The following EPPK1 variants were observed in gnomAD, a reference collection of about 807,000 sequenced individuals.
EPPK1 encodes the protein epiplakin 1.
For synonymous variants in EPPK1, 1,862 were observed against 1,721.2 expected, an observed-to-expected ratio of 1.08 and a Z score of -2.03; for missense variants, 3,823 against 3,673.3, an observed-to-expected ratio of 1.04 and a Z score of -1.05.
intron 1 of EPPK1, among the ~76,000 whole-genome samples, chr8:143,875,365 G>A (rs1425495607): frequency 2.0e-5 from 3 of 152,222 alleles, no homozygotes; most frequent in East Asian, 1.9e-4. Context: ...CCCTTCTGCA[G>A]ATACTGGTCC....
In EPPK1 at chr8:143,866,854, C is replaced by T. The variant is rs199859328; in HGVS notation, c.6400G>A (p.Glu2134Lys). 1.1e-4 allele frequency: 181 copies of T among 1,613,220 alleles called. No individual in the cohort carries two copies. The Admixed American group carries it at 1.2e-3, about 11-fold the overall frequency. The change falls in exon 2 of 2, where the codon GAG becomes AAG. Residue 2134 changes from glutamate to lysine, a missense_variant. Transcript: ENST00000615648. ...ALLNSEYVTE[E>K]KKLQLVRMYR... ...ATCCTCACCAGCTGGAGCTTCTTCTCCTCTGTCACGTATTCGGAATTCAGT... is the reference window on the plus strand; with the variant it reads ...ATCCTCACCAGCTGGAGCTTCTTCTTCTCTGTCACGTATTCGGAATTCAGT...
Position 143,867,459 on chromosome 8 carries a change from T to C in EPPK1, c.5795A>G (p.Glu1932Gly). The C allele has an allele frequency of 6.2e-7, 1 of 1,612,604 alleles. No individual in the cohort carries two copies. Among genetic ancestry groups the C allele is most frequent in the Non-Finnish European group, 8.5e-7 (1 of 1,179,848 alleles). Residue 1932 changes from glutamate (E) to glycine (G), a missense_variant, in exon 2 of 2, where the codon GAG (glutamate) becomes GGG (glycine). Physicochemically the swap from Glu to Gly is moderately conservative, Grantham distance 98. Transcript: ENST00000615648. ...IPAAFATWLL[E>G]AQAATGFLLD... ...GAGGAACCCGGTGGCGGCCTGCGCC[T>C]CCAGCAGCCAAGTCGCAAATGCTGC...
intron 1 of EPPK1, among the ~76,000 whole-genome samples, chr8:143,876,517 G>A (rs372327439): frequency 1.3e-5 from 2 of 152,180 alleles, no homozygotes; most frequent in Non-Finnish European, 2.9e-5. Flanking sequence ...CTTCTCCTTC[G>A]TCCACCTGCT....
intron 1 of EPPK1, among the ~76,000 whole-genome samples, 180 bp from the exon 2 acceptor site, chr8:143,873,478 G>A (rs1819422748): frequency 6.6e-6 from 1 of 152,022 alleles, no homozygotes; most frequent in Non-Finnish European, 1.5e-5. Context: ...GGTGCCAAGG[G>A]AAGTGCCAGC....
rs782015322 is a variant in EPPK1 at position 143,867,926 on chromosome 8, C to T, written c.5328G>A (p.Val1776=). The T allele has an allele frequency of 6.2e-7, 1 of 1,613,614 alleles. No individual in the cohort carries two copies. Among genetic ancestry groups the T allele is most frequent in the Non-Finnish European group, 8.5e-7 (1 of 1,179,864 alleles). The change falls in exon 2 of 2, where the codon GTG becomes GTA. Residue 1776 remains valine, a synonymous_variant. Coordinates refer to ENST00000615648, the MANE Select transcript of EPPK1 (RefSeq NM_031308.4). ...YVYINEATRH[V]LQSRTAKMRV... ...GCATTTTTGCAGTTCTGGATTGCAA[C>T]ACGTGTCTCGTGGCCTCATTGATGT... is the stretch of plus-strand genomic sequence containing the variant.
chr8:143,857,962 A>T lies in EPPK1; in HGVS notation c.*25T>A, dbSNP rs1818932717. The stretch of plus-strand genomic sequence containing the variant: ...TATGCCTCCACTTCTCCAGAGTTGC[A>T]GAAAACTGCACGGAGGAAGCCCAGT... On this transcript the variant is annotated 3_prime_UTR_variant, in exon 2 of 2. Transcript: ENST00000615648. 6.8e-7 allele frequency: 1 copy of T among 1,475,176 alleles called. No homozygotes were observed. Among genetic ancestry groups the T allele is most frequent in the African/African-American group, 1.4e-5 (1 of 70,688 alleles). 91.4% of individuals were successfully genotyped at this position (1,475,176 alleles called of 1,614,324 possible).
Position 143,866,663 on chromosome 8 carries a change from G to C in EPPK1, c.6591C>G (p.Leu2197=), listed in dbSNP as rs782584997. ...TGCTCCGTCCCGTTTCCAGGTCCTG[G>C]AGCATTTCCTCCGTGATTATGGCTG... ...LSSAIITEEM[L]QDLETGRSTT... is the part of the protein sequence containing the mutation. Residue 2197 remains leucine, a synonymous_variant, in exon 2 of 2, where the codon CTC becomes CTG. Transcript: ENST00000615648. 7.4e-6 allele frequency: 12 copies of C among 1,613,070 alleles called. No individual in the cohort carries two copies. The African/African-American group carries it at 1.5e-4, about 20-fold the overall frequency.
intron 1 of EPPK1, among the ~76,000 whole-genome samples, chr8:143,876,491 C>T (rs960101396): frequency 2.0e-5 from 3 of 152,168 alleles, no homozygotes; most frequent in Non-Finnish European, 2.9e-5. Context: ...GTACATGAGA[C>T]GGCAGGACAG....
chr8:143,868,087 C>G lies in EPPK1; in HGVS notation c.5167G>C (p.Asp1723His). 1 of 1,613,282 alleles carries G rather than the reference C, an allele frequency of 6.2e-7. No individual in the cohort carries two copies. The highest frequency in any genetic ancestry group is 8.5e-7 in the Non-Finnish European group (1 of 1,180,020). Reference sequence around the variant, plus strand: ...GGGTCGAAGAAGCCCTTGGTGTCGTCGCTGGGGTCCGCCAGGATGCGGTTC... The same window carrying G: ...GGGTCGAAGAAGCCCTTGGTGTCGTGGCTGGGGTCCGCCAGGATGCGGTTC... ...EMNRILADPS[D>H]DTKGFFDPNT... is the part of the protein sequence containing the mutation. The change falls in exon 2 of 2, where the codon GAC becomes CAC. Residue 1723 changes from aspartate (D) to histidine (H), a missense_variant. Physicochemically the swap from Asp to His is moderately conservative, Grantham distance 81 (BLOSUM62 -1). Coordinates refer to ENST00000615648, the MANE Select transcript of EPPK1 (RefSeq NM_031308.4).
Position 143,866,400 on chromosome 8 carries a change from TCCTCC to T in EPPK1, c.6849_6853del (p.Glu2284GlyfsTer357), listed in dbSNP as rs1819107632. ...GCCCACCACGCCCGCGGCCACGGCC[TCCTCC>T]ACCGACAGCCTCAGGTTGCGCACGG... On this transcript the variant is annotated frameshift_variant, in exon 2 of 2. Transcript: ENST00000615648. LOFTEE classifies it low-confidence loss of function (END_TRUNC). 9.1e-7 allele frequency: 1 copy of T among 1,103,114 alleles called. No individual in the cohort carries two copies. Among genetic ancestry groups the T allele is most frequent in the African/African-American group, 1.8e-5 (1 of 56,042 alleles). The allele number at this position is 1,103,114 out of a possible 1,614,324, so 68.3% of individuals were successfully genotyped here. A position where few individuals can be genotyped will look rare whatever the true frequency, so the allele number is the denominator to read the frequency against.
chr8:143,867,674 G>C lies in EPPK1; in HGVS notation c.5580C>G (p.Phe1860Leu). The C allele has an allele frequency of 6.2e-7, 1 of 1,613,508 alleles. No individual in the cohort carries two copies. Among genetic ancestry groups the C allele is most frequent in the South Asian group, 1.1e-5 (1 of 91,084 alleles). ...TCTTCTGATCGATGACCCTGGAGTT[G>C]AACAGGTCTGCAGCTGTCACCTCCC... ...IRGEVTAADL[F>L]NSRVIDQKTL... Residue 1860 changes from phenylalanine to leucine, a missense_variant, in exon 2 of 2, where the codon TTC (phenylalanine) becomes TTG (leucine). Phe to Leu is a conservative substitution (Grantham distance 22). Coordinates refer to ENST00000615648, the MANE Select transcript of EPPK1 (RefSeq NM_031308.4).
intron 1 of EPPK1, among the ~76,000 whole-genome samples, chr8:143,877,824 G>C (rs1238557523): frequency 6.6e-6 from 1 of 151,884 alleles, no homozygotes; most frequent in Non-Finnish European, 1.5e-5. Flanking sequence ...CCAGGGCAGG[G>C]AAGCAGAGCC....
rs375926704 is a variant in EPPK1 at position 143,869,030 on chromosome 8, C to A, written c.4224G>T (p.Ala1408=). 10 of 1,610,022 alleles carry A rather than the reference C, an allele frequency of 6.2e-6. No homozygotes were observed. Among genetic ancestry groups the A allele is most frequent in the Non-Finnish European group, 8.5e-6 (10 of 1,179,846 alleles). The change falls in exon 2 of 2, where the codon GCG becomes GCT. Residue 1408 remains alanine, a synonymous_variant. Coordinates refer to ENST00000615648, the MANE Select transcript of EPPK1 (RefSeq NM_031308.4). ...KDNKFFFDPS[A]RDQVTYQQLR... The stretch of plus-strand genomic sequence containing the variant: ...GCTGCTGGTAGGTCACCTGGTCCCG[C>A]GCACTGGGGTCAAAGAAGAACTTGT...
chr8:143,877,326 C>T lies in EPPK1; in HGVS notation c.-46+1112G>A, dbSNP rs151096263. Among the ~76,000 whole-genome samples, 1,189 of 151,848 alleles carry T rather than the reference C, an allele frequency of 7.8e-3. 17 individuals carry two copies. The highest frequency in any genetic ancestry group is 0.026 in the African/African-American group (1,064 of 41,410). Reference sequence around the variant, plus strand: ...GGGCAGCTGGACAGAGGGTCCGGAGCGAGGGGGGGCAGGGGGTGCAGCTTC... The same window carrying T: ...GGGCAGCTGGACAGAGGGTCCGGAGTGAGGGGGGGCAGGGGGTGCAGCTTC... On this transcript the variant is annotated intron_variant, in intron 1 of 1. Coordinates refer to ENST00000615648, the MANE Select transcript of EPPK1 (RefSeq NM_031308.4).
At position 143,878,434 on chromosome 8, in the gene EPPK1, G is replaced by C. The variant is rs1329102974; in HGVS notation, c.-46+4C>G. 4.8e-5 allele frequency: 6 copies of C among 124,632 alleles called. No individual in the cohort carries two copies. The East Asian group carries it at 1.0e-3, about 22-fold the overall frequency. 7.7% of individuals were successfully genotyped at this position (124,632 alleles called of 1,614,324 possible). The stretch of plus-strand genomic sequence containing the variant: ...ACCCGCCGCACCCGCCGCACCCGCC[G>C]CACCTGCCCGCTCGCCGCTCGGTCC... On this transcript the variant is annotated splice_donor_region_variant and intron_variant, in intron 1 of 1. Coordinates refer to ENST00000615648, the MANE Select transcript of EPPK1 (RefSeq NM_031308.4).
Position 143,871,050 on chromosome 8 carries a change from C to T in EPPK1, c.2204G>A (p.Ser735Asn). 6.2e-7 allele frequency: 1 copy of T among 1,613,058 alleles called. No individual in the cohort carries two copies. Among genetic ancestry groups the T allele is most frequent in the Non-Finnish European group, 8.5e-7 (1 of 1,179,962 alleles). The change falls in exon 2 of 2, where the codon AGC (serine) becomes AAC (asparagine). Residue 735 changes from serine (S) to asparagine (N), a missense_variant. Physicochemically the swap from Ser to Asn is conservative, Grantham distance 46 (BLOSUM62 1). Coordinates refer to ENST00000615648, the MANE Select transcript of EPPK1 (RefSeq NM_031308.4). ...ATGGVIDPVHSHRVPVDVAYR... is the reference protein window; with the variant it reads ...ATGGVIDPVHNHRVPVDVAYR... ...GGCCACGTCCACGGGCACGCGGTGG[C>T]TGTGCACGGGGTCGATGACGCCGCC...
rs782773843 is a variant in EPPK1, at chr8:143,866,963, G to C, written c.6291C>G (p.Asp2097Glu). ...CTGCCTCCAGGGCCCTTCTCGTCTC[G>C]TCATCGATGTGCTCGGAGTCCCGTG... is the stretch of plus-strand genomic sequence containing the variant. ...KAARDSEHIDDETRRALEAEQ... is the reference protein window; with the variant it reads ...KAARDSEHIDEETRRALEAEQ... The change falls in exon 2 of 2, where the codon GAC becomes GAG. Residue 2097 changes from aspartate to glutamate, a missense_variant. Physicochemically the swap from Asp to Glu is conservative, Grantham distance 45 (BLOSUM62 2). Transcript: ENST00000615648. 2 of 1,612,690 alleles carry C rather than the reference G, an allele frequency of 1.2e-6. No individual in the cohort carries two copies. Among genetic ancestry groups the C allele is most frequent in the Non-Finnish European group, 1.7e-6 (2 of 1,179,842 alleles).
chr8:143,872,887 G>T lies in EPPK1; in HGVS notation c.367C>A (p.Pro123Thr). 2 of 1,602,018 alleles carry T rather than the reference G, an allele frequency of 1.2e-6. No homozygotes were observed. Among genetic ancestry groups the T allele is most frequent in the East Asian group, 4.5e-5 (2 of 44,772 alleles). Reference sequence around the variant, plus strand: ...AGCTTCTCACCGCCGTAGGGGTCAGGATAGCCCGTAGTGGCACGCTCAGCG... The same window carrying T: ...AGCTTCTCACCGCCGTAGGGGTCAGTATAGCCCGTAGTGGCACGCTCAGCG... The part of the protein sequence containing the change: ...LAAERATTGY[P>T]DPYGGEKLAL... The change falls in exon 2 of 2, where the codon CCT (proline) becomes ACT (threonine). Residue 123 changes from proline (P) to threonine (T), a missense_variant. Pro to Thr is a conservative substitution (Grantham distance 38). Coordinates refer to ENST00000615648, the MANE Select transcript of EPPK1 (RefSeq NM_031308.4).
chr8:143,867,542 C>T lies in EPPK1; in HGVS notation c.5712G>A (p.Val1904=). The T allele has an allele frequency of 1.2e-6, 2 of 1,612,636 alleles. No individual in the cohort carries two copies. The highest frequency in any genetic ancestry group is 1.1e-5 in the South Asian group (1 of 91,066). ...EGSGCIAGVT[V]PSTREVMSLH... is the part of the protein sequence containing the mutation. Reference sequence around the variant, plus strand: ...GGCTCATGACCTCCCTGGTGGAGGGCACCGTGACCCCCGCAATGCAGCCGC... The same window carrying T: ...GGCTCATGACCTCCCTGGTGGAGGGTACCGTGACCCCCGCAATGCAGCCGC... Residue 1904 remains valine, a synonymous_variant, in exon 2 of 2, where the codon GTG becomes GTA. Transcript: ENST00000615648.
Sources: gnomAD v4.1 joint callset for allele counts (sites outside exome capture counted in the v4.1 genomes callset) on GRCh38, gnomAD v4.1.1 for gene constraint, MANE v1.5 for transcripts, NCBI Gene and HGNC (gene_info 2026-07-23, HGNC 2026-07-21) for gene names.